SEMA5A: variants seen among roughly 807,000 people sequenced by gnomAD.
SEMA5A encodes semaphorin 5A.
SEMA5A carries 55 observed loss-of-function variants against 135.5 expected under a neutral mutation model. That is an observed-to-expected ratio of 0.41 (90% CI 0.33 to 0.51). The LOEUF (loss-of-function observed/expected upper bound fraction) is 0.51. Ranked by LOEUF, SEMA5A falls within the 20% of genes least tolerant of loss-of-function variation. The pLI is 0.37. For synonymous variants in SEMA5A, 580 were observed against 546.5 expected, an observed-to-expected ratio of 1.06 and a Z score of -0.85; for missense variants, 1,290 against 1,419.9, an observed-to-expected ratio of 0.91 and a Z score of 1.47.
chr5:9,056,444 G>C (rs1489213430), intron 18 of SEMA5A, among the ~76,000 whole-genome samples: 1 of 152,164 alleles, frequency 6.6e-6, no homozygotes, highest in Non-Finnish European at 1.5e-5. Context: ...AACAGAGGCC[G>C]GGCATGGTGG....
intron 3 of SEMA5A, among the ~76,000 whole-genome samples, chr5:9,341,554 T>G (rs1455825867): frequency 2.6e-5 from 4 of 151,520 alleles, no homozygotes; most frequent in Non-Finnish European, 5.9e-5. Flanking sequence ...TTGCCCCCAG[T>G]GAGTTTACCT....
At chr5:9,158,384 C>G (rs1392593469) in intron 11 of SEMA5A, among the ~76,000 whole-genome samples, 1 of 151,774 alleles carries the variant, frequency 6.6e-6, no homozygotes, top group African/African-American at 2.4e-5. Flanking sequence ...GAAATAAAGC[C>G]ATACAAAACT....
chr5:9,169,512 T>C (rs1743796195), intron 11 of SEMA5A, among the ~76,000 whole-genome samples: 1 of 152,218 alleles, frequency 6.6e-6, no homozygotes, highest in South Asian at 2.1e-4. Context: ...AACTGGACTT[T>C]CCTTCTAGGA....
At chr5:9,120,141 G>A (rs1740735803) in intron 14 of SEMA5A, among the ~76,000 whole-genome samples, 1 of 151,736 alleles carries the variant, frequency 6.6e-6, no homozygotes, top group East Asian at 1.9e-4. Flanking sequence ...CTTCCACATA[G>A]ACGGTCTACT....
intron 12 of SEMA5A, among the ~76,000 whole-genome samples, chr5:9,154,206 T>C (rs962418640): frequency 4.3e-4 from 65 of 151,014 alleles, no homozygotes; most frequent in African/African-American, 1.5e-3. Flanking sequence ...AATATCAGTA[T>C]TACCACTGAG....
At chr5:9,169,999 G>A (rs115673413) in intron 11 of SEMA5A, among the ~76,000 whole-genome samples, 3,199 of 152,252 alleles carry the variant, frequency 0.021, 51 homozygotes, top group South Asian at 0.058. Context: ...TCCTTCACCC[G>A]AGGGAAAGTG....
At chr5:9,422,566 C>G (rs892420128) in intron 2 of SEMA5A, 1 of 152,108 alleles carries the variant, frequency 6.6e-6, no homozygotes, top group Admixed American at 6.5e-5. Context: ...AAAAGGCTAA[C>G]GGAATGCAGT....
Position 9,039,536 on chromosome 5 carries a change from A to T in SEMA5A, c.*3361T>A, listed in dbSNP as rs1448754375. ...TTTATTAAATGTTCTTTTCTTCTCA[A>T]ATATGAATGGTAACTCTAGTGAGAG... On this transcript the variant is annotated 3_prime_UTR_variant, in exon 23 of 23. Transcript: ENST00000382496. 2 of 152,192 alleles carry T rather than the reference A, an allele frequency of 1.3e-5. No homozygotes were observed. The highest frequency in any genetic ancestry group is 4.8e-5 in the African/African-American group (2 of 41,444). 9.4% of individuals were successfully genotyped at this position (152,192 alleles called of 1,614,324 possible). A position where few individuals can be genotyped will look rare whatever the true frequency, so the allele number is the denominator to read the frequency against.
Position 9,224,656 on chromosome 5 carries a change from G to C in SEMA5A, c.646+18C>G. On this transcript the variant is annotated intron_variant, in intron 8 of 22. Transcript: ENST00000382496. Reference sequence around the variant, plus strand: ...AAAGACAAATGAGGTGAGAAAGAGGGAGTGACGGAAGGCTTACCATTGAGC... The same window carrying C: ...AAAGACAAATGAGGTGAGAAAGAGGCAGTGACGGAAGGCTTACCATTGAGC... The C allele has an allele frequency of 6.2e-7, 1 of 1,610,510 alleles. No individual in the cohort carries two copies. Among genetic ancestry groups the C allele is most frequent in the South Asian group, 1.1e-5 (1 of 90,972 alleles).
intron 2 of SEMA5A, among the ~76,000 whole-genome samples, chr5:9,410,210 T>C (rs1757054112): frequency 6.6e-6 from 1 of 152,118 alleles, no homozygotes; most frequent in South Asian, 2.1e-4. Flanking sequence ...AATCATATGA[T>C]CATGTAGGTC....
chr5:9,445,690 G>A (rs2126691148), intron 1 of SEMA5A, among the ~76,000 whole-genome samples: 1 of 152,168 alleles, frequency 6.6e-6, no homozygotes, highest in South Asian at 2.1e-4. Context: ...TGTCAGATGT[G>A]AGATTCCCCT....
chr5:9,190,174 G>A, intron 11 of SEMA5A, 93 bp downstream of exon 11: 3 of 1,364,152 alleles, frequency 2.2e-6, no homozygotes, highest in East Asian at 5.0e-5. Context: ...CAGGCGTAAA[G>A]CTTGAAATTG....
chr5:9,479,544 CT>C (rs967452730), intron 1 of SEMA5A, among the ~76,000 whole-genome samples: 3 of 152,188 alleles, frequency 2.0e-5, no homozygotes, highest in African/African-American at 7.2e-5. Context: ...AACATCTACC[CT>C]GTAGGAATGT....
chr5:9,280,225 C>T (rs542103835), intron 5 of SEMA5A, among the ~76,000 whole-genome samples: 4 of 152,292 alleles, frequency 2.6e-5, no homozygotes, highest in Non-Finnish European at 4.4e-5. Context: ...ACATTTACTG[C>T]AGCAGATATC....
intron 12 of SEMA5A, among the ~76,000 whole-genome samples, chr5:9,140,979 T>C (rs1257242020): frequency 2.6e-5 from 4 of 152,220 alleles, no homozygotes; most frequent in African/African-American, 4.8e-5. Context: ...CTGCATGTAA[T>C]AACATCTCTT....
chr5:9,287,718 C>T (rs1579284613), intron 5 of SEMA5A, among the ~76,000 whole-genome samples: 1 of 152,122 alleles, frequency 6.6e-6, no homozygotes, highest in Non-Finnish European at 1.5e-5. Flanking sequence ...TTGTCTATAG[C>T]CGGCTTTGTA....
intron 13 of SEMA5A, among the ~76,000 whole-genome samples, chr5:9,133,259 G>A (rs903358604): frequency 6.6e-6 from 1 of 152,036 alleles, no homozygotes; most frequent in African/African-American, 2.4e-5. Flanking sequence ...TTACATCTAG[G>A]TCATCTCCTT....
At chr5:9,228,396 C>G (rs972426255) in intron 6 of SEMA5A, among the ~76,000 whole-genome samples, 1 of 152,158 alleles carries the variant, frequency 6.6e-6, no homozygotes, top group South Asian at 2.1e-4. Flanking sequence ...GTCAAAGTGT[C>G]GTGGCTAGAG....
Position 9,292,480 on chromosome 5 carries a change from C to A in SEMA5A, c.270+25892G>T, listed in dbSNP as rs141144758. ...CTACTCAGATCATATATCCCCAAAC[C>A]CTCTTCATTACTGTCTTCAGTTATT... On this transcript the variant is annotated intron_variant, in intron 5 of 22. Transcript: ENST00000382496. Among the ~76,000 whole-genome samples the A allele has an allele frequency of 7.8e-3, 1,184 of 152,228 alleles. 11 individuals are homozygous for A. The highest frequency in any genetic ancestry group is 0.014 in the Middle Eastern group (4 of 294).
Sources: gnomAD v4.1 joint callset for allele counts (sites outside exome capture counted in the v4.1 genomes callset) on GRCh38, gnomAD v4.1.1 for gene constraint, MANE v1.5 for transcripts, NCBI Gene and HGNC (gene_info 2026-07-23, HGNC 2026-07-21) for gene names.